CAMK2D: variants seen among roughly 807,000 people sequenced by gnomAD.
CAMK2D encodes calcium/calmodulin-dependent protein kinase type II subunit delta.
Under a neutral mutation model 84.0 loss-of-function variants are expected in CAMK2D, and 37 were observed. The ratio of observed to expected loss-of-function variants is 0.44; its 90% CI spans 0.34 to 0.58. The LOEUF (loss-of-function observed/expected upper bound fraction) is 0.58. Ranked by LOEUF, CAMK2D falls within the 20% of genes least tolerant of loss-of-function variation. The pLI, the probability that CAMK2D is intolerant of heterozygous loss-of-function variation, is 0.02. For synonymous variants in CAMK2D, 202 were observed against 212.5 expected, an observed-to-expected ratio of 0.95 and a Z score of 0.43; for missense variants, 448 against 652.5, an observed-to-expected ratio of 0.69 and a Z score of 3.41.
chr4:113,475,482 C>T (rs1041943907), intron 16 of CAMK2D, among the ~76,000 whole-genome samples: 3 of 152,168 alleles, frequency 2.0e-5, no homozygotes, highest in Admixed American at 2.0e-4. Context: ...TCCAAGTGAT[C>T]TTTTTAAAGG....
chr4:113,718,126 T>A (rs1439160131), intron 2 of CAMK2D, among the ~76,000 whole-genome samples: 2 of 152,120 alleles, frequency 1.3e-5, no homozygotes, highest in East Asian at 3.8e-4. Context: ...GAGAGGGAAA[T>A]TGCAATAGAG....
intron 17 of CAMK2D, among the ~76,000 whole-genome samples, chr4:113,462,292 G>GTC (rs1554637197): frequency 0.048 from 5,302 of 109,366 alleles, 111 homozygotes; most frequent in South Asian, 0.078. Flanking sequence ...GTGTGTGTGT[G>GTC]TGTCTGTCTG....
chr4:113,583,114 A>T (rs576093530), intron 4 of CAMK2D, among the ~76,000 whole-genome samples: 6 of 152,288 alleles, frequency 3.9e-5, no homozygotes, highest in Non-Finnish European at 5.9e-5. Context: ...TGCCATGCTA[A>T]ATTTTATCTT....
chr4:113,758,387 G>A (rs1344108036), intron 2 of CAMK2D, among the ~76,000 whole-genome samples: 1 of 152,104 alleles, frequency 6.6e-6, no homozygotes, highest in Admixed American at 6.6e-5. Flanking sequence ...AAGCAATGAT[G>A]CCAGGATTTT....
At chr4:113,647,944 T>C (rs987425127) in intron 3 of CAMK2D, among the ~76,000 whole-genome samples, 3 of 152,200 alleles carry the variant, frequency 2.0e-5, no homozygotes, top group Admixed American at 1.3e-4. Context: ...TCCTAACAAA[T>C]AAGCTTAAAT....
At chr4:113,495,289 AT>A in intron 16 of CAMK2D, among the ~76,000 whole-genome samples, 1 of 152,328 alleles carries the variant, frequency 6.6e-6, no homozygotes, top group East Asian at 1.9e-4. Flanking sequence ...GAATGACATA[AT>A]TATCAAAAGT....
At chr4:113,641,554 G>A (rs2099132300) in intron 3 of CAMK2D, among the ~76,000 whole-genome samples, 1 of 152,180 alleles carries the variant, frequency 6.6e-6, no homozygotes, top group Admixed American at 6.5e-5. Context: ...AAGTGATAAA[G>A]AGGACAGGGA....
intron 4 of CAMK2D, among the ~76,000 whole-genome samples, chr4:113,555,611 A>T (rs2098659165): frequency 6.6e-6 from 1 of 152,194 alleles, no homozygotes; most frequent in Admixed American, 6.5e-5. Flanking sequence ...CATTTAAGCA[A>T]TTGGTATCTC....
intron 3 of CAMK2D, among the ~76,000 whole-genome samples, chr4:113,648,867 T>TTCTA (rs1183790493): frequency 2.0e-5 from 3 of 152,172 alleles, no homozygotes; most frequent in African/African-American, 7.2e-5. Flanking sequence ...CATTTGCGAC[T>TTCTA]TCTAGTCTTC....
intron 4 of CAMK2D, among the ~76,000 whole-genome samples, chr4:113,557,343 C>T (rs1246523240): frequency 2.0e-5 from 3 of 152,256 alleles, no homozygotes; most frequent in Admixed American, 1.3e-4. Flanking sequence ...TTCATGTCTC[C>T]GCTTAATTTG....
At chr4:113,483,657 C>T (rs1328017116) in intron 16 of CAMK2D, among the ~76,000 whole-genome samples, 1 of 152,124 alleles carries the variant, frequency 6.6e-6, no homozygotes, top group Non-Finnish European at 1.5e-5. Context: ...CCACCCGCCT[C>T]AGCCTCCCAA....
chr4:113,549,405 T>A (rs2098607400), intron 5 of CAMK2D, among the ~76,000 whole-genome samples: 1 of 152,200 alleles, frequency 6.6e-6, no homozygotes, highest in African/African-American at 2.4e-5. Flanking sequence ...TAAATACAAA[T>A]TTACAATCCC....
intron 3 of CAMK2D, among the ~76,000 whole-genome samples, chr4:113,645,624 C>T (rs1254799343): frequency 2.6e-5 from 4 of 151,762 alleles, no homozygotes; most frequent in Non-Finnish European, 4.4e-5. Context: ...CAGCTTTTTG[C>T]TTGGAAGGGT....
intron 13 of CAMK2D, chr4:113,508,221 CAGAT>C (rs771558602): frequency 1.3e-6 from 2 of 1,531,664 alleles, no homozygotes; most frequent in South Asian, 2.4e-5. Flanking sequence ...AGAAATCTGG[CAGAT>C]AGATCCTCAC....
At chr4:113,514,408 T>A (rs556196944) in intron 10 of CAMK2D, among the ~76,000 whole-genome samples, 1 of 152,154 alleles carries the variant, frequency 6.6e-6, no homozygotes, top group Non-Finnish European at 1.5e-5. Flanking sequence ...AGCAAGACTC[T>A]GTCTCAAAAC....
At chr4:113,517,002 T>G (rs142183635) in intron 9 of CAMK2D, among the ~76,000 whole-genome samples, 3,621 of 151,958 alleles carry the variant, frequency 0.024, 63 homozygotes, top group Non-Finnish European at 0.038. Context: ...ATATCTACTT[T>G]CAAATATTCT....
intron 3 of CAMK2D, among the ~76,000 whole-genome samples, chr4:113,623,128 T>TC (rs1415303242): frequency 5.3e-5 from 8 of 152,278 alleles, no homozygotes; most frequent in African/African-American, 1.9e-4. Flanking sequence ...TCAAAGGTTA[T>TC]ACCCTTGTTG....
intron 6 of CAMK2D, 58 bp from the exon 7 acceptor site, chr4:113,537,501 T>C (rs2098501698): frequency 2.9e-6 from 3 of 1,021,324 alleles, no homozygotes; most frequent in Admixed American, 3.8e-5. Context: ...AAGCGACTAT[T>C]CAAAACTAAC....
chr4:113,559,877 A>C (rs1354022436), intron 4 of CAMK2D, among the ~76,000 whole-genome samples: 1 of 152,216 alleles, frequency 6.6e-6, no homozygotes, highest in African/African-American at 2.4e-5. Flanking sequence ...TCTAATCATC[A>C]ATACTTCAGA....
Sources: gnomAD v4.1 joint callset for allele counts (sites outside exome capture counted in the v4.1 genomes callset) on GRCh38, gnomAD v4.1.1 for gene constraint, MANE v1.5 for transcripts, NCBI Gene and HGNC (gene_info 2026-07-23, HGNC 2026-07-21) for gene names.